The following CMYA5 variants were observed in gnomAD, a reference collection of about 807,000 sequenced individuals.
CMYA5 encodes the protein cardiomyopathy-associated protein 5.
In CMYA5, 246 loss-of-function variants were observed where a neutral mutation model predicts 318.9. The observed-to-expected ratio is 0.77, with a 90% CI of 0.70 to 0.86. CMYA5 has a LOEUF of 0.86. Among genes scored for constraint, CMYA5 ranks in the 40% least tolerant of loss-of-function variants. The probability of loss-of-function intolerance (pLI) is 0.00; values close to 1 mark genes in which losing one functional copy is unlikely to be tolerated. For missense variants in CMYA5, 4,589 were observed against 4,678.2 expected, an observed-to-expected ratio of 0.98 and a Z score of 0.56; for synonymous variants, 1,641 against 1,729.5, an observed-to-expected ratio of 0.95 and a Z score of 1.27.
intron 3 of CMYA5, among the ~76,000 whole-genome samples, chr5:79,744,913 C>T (rs1261535593): frequency 6.6e-6 from 1 of 152,140 alleles, no homozygotes; most frequent in African/African-American, 2.4e-5. Context: ...CAACGTGATG[C>T]CATTTTCAAG....
chr5:79,793,364 T>G lies in CMYA5; in HGVS notation c.11790-73T>G. 2.1e-6 allele frequency: 3 copies of G among 1,421,552 alleles called. No homozygotes were observed. The South Asian group carries it at 3.9e-5, about 18-fold the overall frequency. 88.1% of individuals were successfully genotyped at this position (1,421,552 alleles called of 1,614,324 possible). A position where few individuals can be genotyped will look rare whatever the true frequency, so the allele number is the denominator to read the frequency against. Reference sequence around the variant, plus strand: ...ATCCTGCCTAAACTGTGTGAGTTTGTGAATGTTTATGCTTATGAGATACAG... The same window carrying G: ...ATCCTGCCTAAACTGTGTGAGTTTGGGAATGTTTATGCTTATGAGATACAG... On this transcript the variant is annotated intron_variant, in intron 11 of 12. Coordinates refer to ENST00000446378, the MANE Select transcript of CMYA5 (RefSeq NM_153610.5).
In CMYA5 at chr5:79,733,939, C is replaced by G. The variant is rs17254174; in HGVS notation, c.5174C>G (p.Ser1725Trp). Residue 1725 changes from serine to tryptophan, a missense_variant, in exon 2 of 13, where the codon TCG becomes TGG. Coordinates refer to ENST00000446378, the MANE Select transcript of CMYA5 (RefSeq NM_153610.5). ...TCTCCCAAGATCATCAGCCTAGAGT[C>G]GAAAGAACCACCTGCCTCTGTAGCT... is the stretch of plus-strand genomic sequence containing the variant. ...PFSPKIISLE[S>W]KEPPASVAEG... The G allele has an allele frequency of 3.7e-6, 6 of 1,613,376 alleles. No homozygotes were observed. In the African/African-American group the frequency reaches 5.3e-5, roughly 14 times the overall value.
chr5:79,734,346 T>A lies in CMYA5; in HGVS notation c.5581T>A (p.Leu1861Met). The A allele has an allele frequency of 6.2e-7, 1 of 1,613,838 alleles. No homozygotes were observed. The highest frequency in any genetic ancestry group is 8.5e-7 in the Non-Finnish European group (1 of 1,179,810). The change falls in exon 2 of 13, where the codon TTG becomes ATG. Residue 1861 changes from leucine to methionine, a missense_variant. Coordinates refer to ENST00000446378, the MANE Select transcript of CMYA5 (RefSeq NM_153610.5). The part of the protein sequence containing the change: ...IKQFSLMREN[L>M]PLEQSKSFMT... ...GCAGTTTTCACTTATGAGAGAGAAT[T>A]TGCCTTTGGAACAATCAAAATCATT... is the stretch of plus-strand genomic sequence containing the variant.
At position 79,732,151 on chromosome 5, in the gene CMYA5, C is replaced by G. The variant is rs370998911; in HGVS notation, c.3386C>G (p.Ser1129Ter). ...CCTGAGTCTGAAGACTTGATTCCTT[C>G]ACATTTAACCAGTGAAGTGGAGAAG... Reference protein sequence around the residue: ...LEPESEDLIPSHLTSEVEKGE... With the variant: ...LEPESEDLIP The change falls in exon 2 of 13, where the codon TCA becomes TGA. Residue 1129 changes from serine to a stop codon, truncating the protein, a stop_gained. Coordinates refer to ENST00000446378, the MANE Select transcript of CMYA5 (RefSeq NM_153610.5). LOFTEE classifies it high-confidence loss of function. 6.2e-7 allele frequency: 1 copy of G among 1,613,932 alleles called. No homozygotes were observed. Among genetic ancestry groups the G allele is most frequent in the African/African-American group, 1.3e-5 (1 of 75,026 alleles).
chr5:79,754,053 G>A (rs1365766191), intron 6 of CMYA5, among the ~76,000 whole-genome samples: 1 of 152,184 alleles, frequency 6.6e-6, no homozygotes, highest in East Asian at 1.9e-4. Flanking sequence ...GTCACAAAGT[G>A]TTAACAATTA....
intron 2 of CMYA5, among the ~76,000 whole-genome samples, chr5:79,742,026 C>T (rs1310156055): frequency 6.6e-6 from 1 of 150,426 alleles, no homozygotes. Context: ...CTCCTCCTTC[C>T]TCCTCCTCCT....
intron 1 of CMYA5, among the ~76,000 whole-genome samples, chr5:79,692,237 AGCTTTGGAAT>A (rs1826982778): frequency 6.6e-6 from 1 of 152,164 alleles, no homozygotes; most frequent in African/African-American, 2.4e-5. Flanking sequence ...TTTTCAGGTT[AGCTTTGGAAT>A]GCCCTTGCTG....
At chr5:79,726,680 C>A (rs1389107350) in intron 1 of CMYA5, among the ~76,000 whole-genome samples, 2 of 152,136 alleles carry the variant, frequency 1.3e-5, no homozygotes, top group African/African-American at 4.8e-5. Context: ...CTGCCCCAGG[C>A]TCCCCATGGC....
chr5:79,720,428 ATTTT>A (rs1159659122), intron 1 of CMYA5, among the ~76,000 whole-genome samples: 2 of 44,812 alleles, frequency 4.5e-5, no homozygotes, highest in African/African-American at 1.8e-4. Context: ...TGCCAATCTA[ATTTT>A]TTTTTTTTTT....
chr5:79,733,383 A>C lies in CMYA5; in HGVS notation c.4618A>C (p.Lys1540Gln). Residue 1540 changes from lysine (K) to glutamine (Q), a missense_variant, in exon 2 of 13, where the codon AAA becomes CAA. Lys to Gln is a moderately conservative substitution (Grantham distance 53). Around this residue, in one of 3 missense-constraint regions of CMYA5, gnomAD observed 2,132 missense variants for 2,131.3 expected, o/e 1.00. Transcript: ENST00000446378. Reference sequence around the variant, plus strand: ...CAGCCTATGGGGTGAGATAAAGAAGAAAGAAACTGAACTTCCTTCATCACA... The same window carrying C: ...CAGCCTATGGGGTGAGATAAAGAAGCAAGAAACTGAACTTCCTTCATCACA... The part of the protein sequence containing the change: ...PLSLWGEIKK[K>Q]ETELPSSQNV... The C allele has an allele frequency of 6.2e-7, 1 of 1,613,544 alleles. No homozygotes were observed. Among genetic ancestry groups the C allele is most frequent in the Non-Finnish European group, 8.5e-7 (1 of 1,179,830 alleles).
Position 79,729,457 on chromosome 5 carries a change from T to A in CMYA5, c.692T>A (p.Met231Lys). The A allele has an allele frequency of 6.2e-7, 1 of 1,611,204 alleles. No homozygotes were observed. Among genetic ancestry groups the A allele is most frequent in the Non-Finnish European group, 8.5e-7 (1 of 1,178,094 alleles). The change falls in exon 2 of 13, where the codon ATG becomes AAG. Residue 231 changes from methionine (M) to lysine (K), a missense_variant. By Grantham distance (95) the Met-to-Lys change is moderately conservative. Coordinates refer to ENST00000446378, the MANE Select transcript of CMYA5 (RefSeq NM_153610.5). ...YIGTVQYKIKMFNSVKEELIP... is the reference protein window; with the variant it reads ...YIGTVQYKIKKFNSVKEELIP... ...GGAACAGTACAATATAAAATTAAGA[T>A]GTTTAATTCGGTTAAAGAAGAATTA...
intron 8 of CMYA5, 176 bp downstream of exon 8, chr5:79,762,133 A>AT (rs1828665196): frequency 3.4e-6 from 2 of 593,886 alleles, no homozygotes; most frequent in Non-Finnish European, 5.5e-6. Context: ...GCTCATGCTC[A>AT]GGTGGGGAGA....
chr5:79,738,227 G>A lies in CMYA5; in HGVS notation c.9462G>A (p.Gly3154=), dbSNP rs1182566614. The change falls in exon 2 of 13, where the codon GGG becomes GGA. Residue 3154 remains glycine, a synonymous_variant. Transcript: ENST00000446378. ...TKRDVDSKSP[G]MPLFEAEEGV... The stretch of plus-strand genomic sequence containing the variant: ...GAGATGTGGACTCAAAGTCACCGGG[G>A]ATGCCTTTATTTGAAGCAGAGGAAG... The A allele has an allele frequency of 1.1e-5, 18 of 1,613,694 alleles. No individual in the cohort carries two copies. Among genetic ancestry groups the A allele is most frequent in the Non-Finnish European group, 1.5e-5 (18 of 1,179,860 alleles).
chr5:79,788,204 C>A (rs144497919), intron 9 of CMYA5, among the ~76,000 whole-genome samples: 3 of 150,002 alleles, frequency 2.0e-5, no homozygotes, highest in Admixed American at 1.3e-4. Flanking sequence ...AAGAAAGAGC[C>A]CTGCTTGCTT....
At chr5:79,743,584 T>TA (rs1476776870) in intron 2 of CMYA5, among the ~76,000 whole-genome samples, 1 of 152,188 alleles carries the variant, frequency 6.6e-6, no homozygotes, top group Non-Finnish European at 1.5e-5. Flanking sequence ...TTCTTTCACT[T>TA]ACGAAGATAT....
chr5:79,704,072 CA>C (rs1827221428), intron 1 of CMYA5, among the ~76,000 whole-genome samples: 1 of 151,496 alleles, frequency 6.6e-6, no homozygotes, highest in Non-Finnish European at 1.5e-5. Flanking sequence ...GCTTGGGCAG[CA>C]AAGTGAGACT....
chr5:79,689,862 C>G lies in CMYA5; in HGVS notation c.-46C>G. 1.5e-6 allele frequency: 1 copy of G among 653,576 alleles called. No individual in the cohort carries two copies. The highest frequency in any genetic ancestry group is 2.8e-6 in the Non-Finnish European group (1 of 363,468). The allele number at this position is 653,576 out of a possible 1,614,324, so 40.5% of individuals were successfully genotyped here. On this transcript the variant is annotated 5_prime_UTR_variant, in exon 1 of 13. Coordinates refer to ENST00000446378, the MANE Select transcript of CMYA5 (RefSeq NM_153610.5). ...GTCGGAGGGAGAACACCAGGCGCGG[C>G]GCGGGCGGCTCCGGCTCCGGCCCCG... is the stretch of plus-strand genomic sequence containing the variant.
chr5:79,711,864 G>A (rs1175481787), intron 1 of CMYA5, among the ~76,000 whole-genome samples: 1 of 152,172 alleles, frequency 6.6e-6, no homozygotes, highest in East Asian at 1.9e-4. Context: ...AAATTCAGTG[G>A]AGGAGCACCC....
At chr5:79,754,147 G>A (rs986767212) in intron 6 of CMYA5, among the ~76,000 whole-genome samples, 2 of 152,186 alleles carry the variant, frequency 1.3e-5, no homozygotes, top group African/African-American at 2.4e-5. Flanking sequence ...GTTACTTTGT[G>A]CGTCTGTTTC....
Sources: gnomAD v4.1 joint callset for allele counts (sites outside exome capture counted in the v4.1 genomes callset) on GRCh38, gnomAD v4.1.1 for gene constraint, gnomAD v4.1.1 regional missense constraint, MANE v1.5 for transcripts, NCBI Gene and HGNC (gene_info 2026-07-23, HGNC 2026-07-21) for gene names.